The following ENTPD5 variants were observed in gnomAD, a reference collection of about 807,000 sequenced individuals.
The protein encoded by ENTPD5 is ectonucleoside triphosphate diphosphohydrolase 5 (inactive), also known as nucleoside diphosphate phosphatase ENTPD5.
ENTPD5 carries 49 observed loss-of-function variants against 60.2 expected under a neutral mutation model. The ratio of observed to expected loss-of-function variants is 0.81; its 90% confidence interval spans 0.65 to 1.03. The LOEUF (loss-of-function observed/expected upper bound fraction) is 1.03. Among genes scored for constraint, ENTPD5 ranks in the 50% least tolerant of loss-of-function variants. The pLI, the probability that ENTPD5 is intolerant of heterozygous loss-of-function variation, is 0.00. For missense variants in ENTPD5, 480 were observed against 507.6 expected (o/e 0.95, Z 0.52); for synonymous variants, 187 against 185.4 (o/e 1.01, Z -0.07).
chr14:73,959,030 C>CTGGAT, downstream of ENTPD5: 1 of 1,614,174 alleles, frequency 6.2e-7, no homozygotes, highest in Non-Finnish European at 8.5e-7. Context: ...AGAATGTGAG[C>CTGGAT]TGGAACTATG....
intron 1 of ENTPD5, chr14:74,018,430 C>T (rs34440436): frequency 0.11 from 17,411 of 152,216 alleles, 1,304 homozygotes; most frequent in Admixed American, 0.19. Flanking sequence ...AGAGCTTCAA[C>T]CACAAGTCTC....
chr14:73,960,751 G>A (rs1005548253), downstream of ENTPD5: 2 of 434,090 alleles, frequency 4.6e-6, no homozygotes, highest in Non-Finnish European at 7.6e-6. Flanking sequence ...ATACAGGGGG[G>A]AAACACAGAG....
intron 3 of ENTPD5, among the ~76,000 whole-genome samples, chr14:74,009,697 G>A (rs11848840): frequency 6.6e-6 from 1 of 152,170 alleles, no homozygotes; most frequent in African/African-American, 2.4e-5. Flanking sequence ...AGCTCACTGC[G>A]GCCTTAAACT....
chr14:73,994,337 G>A (rs1056987162), intron 3 of ENTPD5, among the ~76,000 whole-genome samples: 1 of 151,838 alleles, frequency 6.6e-6, no homozygotes, highest in Non-Finnish European at 1.5e-5. Flanking sequence ...ATGTTGGCCA[G>A]GCTGGTTTCG....
intron 2 of ENTPD5, among the ~76,000 whole-genome samples, chr14:74,012,390 A>C (rs1039413177): frequency 3.9e-5 from 6 of 152,290 alleles, no homozygotes; most frequent in South Asian, 2.1e-4. Context: ...TATAGGCATG[A>C]GCCACCGGTC....
intron 2 of ENTPD5, among the ~76,000 whole-genome samples, chr14:74,014,591 A>T: frequency 6.6e-6 from 1 of 152,308 alleles, no homozygotes; most frequent in Non-Finnish European, 1.5e-5. Context: ...CTGTGGTAAC[A>T]TATCTTGTAT....
intron 3 of ENTPD5, among the ~76,000 whole-genome samples, chr14:73,991,625 A>AAAAG (rs56259684): frequency 0.074 from 9,458 of 127,914 alleles, 625 homozygotes; most frequent in South Asian, 0.28. Flanking sequence ...AAAAAAAAAA[A>AAAAG]ACAATTAGGG....
At chr14:73,990,797 G>T (rs2140672898) in intron 3 of ENTPD5, among the ~76,000 whole-genome samples, 1 of 151,266 alleles carries the variant, frequency 6.6e-6, no homozygotes, top group East Asian at 2.0e-4. Context: ...GGGAGGCCGA[G>T]GCAGGTGGAT....
At position 74,006,534 on chromosome 14, in the gene ENTPD5, C is replaced by T. The variant is rs188518652; in HGVS notation, c.-71+4557G>A. On this transcript the variant is annotated intron_variant, in intron 3 of 15. Transcript: ENST00000334696. ...TCCTGACCTCGTGATCCGCCCGCCT[C>T]GGCCTCCCAAAGTGCTGATATTACA... Among the ~76,000 whole-genome samples the T allele has an allele frequency of 3.8e-3, 580 of 151,436 alleles. 1 individual carries two copies. Among genetic ancestry groups the T allele is most frequent in the African/African-American group, 0.013 (537 of 41,286 alleles).
In ENTPD5 at chr14:73,986,764, C is replaced by A; in HGVS notation, c.297+50G>T. The A allele has an allele frequency of 2.3e-6, 3 of 1,298,002 alleles. No individual in the cohort carries two copies. In the South Asian group the frequency reaches 3.6e-5, roughly 15 times the overall value. 80.4% of individuals were successfully genotyped at this position (1,298,002 alleles called of 1,614,324 possible). A position where few individuals can be genotyped will look rare whatever the true frequency, so the allele number is the denominator to read the frequency against. ...AAATATTTAACAGCAGTGGTGTGGT[C>A]AAGTTATCAAGGCATTGAGAATCTA... On this transcript the variant is annotated intron_variant, in intron 5 of 15. Transcript: ENST00000334696.
chr14:73,997,430 A>G (rs2058372455), intron 3 of ENTPD5, among the ~76,000 whole-genome samples: 1 of 152,160 alleles, frequency 6.6e-6, no homozygotes, highest in Non-Finnish European at 1.5e-5. Flanking sequence ...GGTCCACCAA[A>G]AGGTCCAAAA....
downstream of ENTPD5, chr14:73,962,764 C>A (rs191936224): frequency 5.1e-6 from 3 of 591,762 alleles, no homozygotes; most frequent in East Asian, 8.6e-5. Context: ...CTGCAGTGAG[C>A]TATGATCACA....
intron 3 of ENTPD5, among the ~76,000 whole-genome samples, chr14:74,003,180 T>C (rs918828325): frequency 2.6e-5 from 4 of 152,222 alleles, no homozygotes; most frequent in South Asian, 2.1e-4. Context: ...TCCACACCAC[T>C]TATCACATTC....
At chr14:73,977,235 T>G in intron 7 of ENTPD5, 64 bp downstream of exon 7, 1 of 1,394,176 alleles carries the variant, frequency 7.2e-7, no homozygotes, top group Non-Finnish European at 1.0e-6. Context: ...CCCAGTTCCT[T>G]TAGTTAGATC....
intron 8 of ENTPD5, 68 bp downstream of exon 8, chr14:73,976,956 C>A: frequency 7.6e-7 from 1 of 1,318,044 alleles, no homozygotes; most frequent in Non-Finnish European, 1.1e-6. Flanking sequence ...AAAGAAAAGG[C>A]TTTTACTCCT....
intron 14 of ENTPD5, 102 bp downstream of exon 14, chr14:73,971,750 T>A (rs1464449604): frequency 1.3e-6 from 1 of 759,342 alleles, no homozygotes; most frequent in Admixed American, 2.2e-5. Context: ...AGCCTTCTGA[T>A]AGGCCTTCTG....
intron 15 of ENTPD5, 76 bp from the exon 16 acceptor site, chr14:73,967,090 T>TA: frequency 7.8e-7 from 1 of 1,287,826 alleles, no homozygotes; most frequent in Non-Finnish European, 1.1e-6. Flanking sequence ...GGGCAGAAAA[T>TA]ATTGGCAAAG....
At chr14:73,990,893 G>A (rs551033328) in intron 3 of ENTPD5, among the ~76,000 whole-genome samples, 12 of 152,126 alleles carry the variant, frequency 7.9e-5, no homozygotes, top group Admixed American at 7.9e-4. Context: ...GCCAGGCATG[G>A]TGGCATGCGC....
intron 3 of ENTPD5, chr14:74,003,422 A>G: frequency 9.6e-7 from 1 of 1,045,620 alleles, no homozygotes. Flanking sequence ...GGAAAAAGCG[A>G]ATGTGCAGTC....
Sources: allele counts gnomAD v4.1 joint callset (sites outside exome capture counted in the v4.1 genomes callset), GRCh38; gene constraint gnomAD v4.1.1; transcripts MANE v1.5; gene names NCBI Gene and HGNC (gene_info 2026-07-23, HGNC 2026-07-21).